UHRF2: variants seen among roughly 807,000 people sequenced by gnomAD.
The protein encoded by UHRF2 is ubiquitin like with PHD and ring finger domains 2, also known as E3 ubiquitin-protein ligase UHRF2.
A neutral mutation model predicts 96.8 loss-of-function variants in UHRF2; 23 were observed. The observed-to-expected ratio is 0.24, with a 90% CI of 0.17 to 0.34. The LOEUF (loss-of-function observed/expected upper bound fraction) is 0.34. Ranked by LOEUF, UHRF2 falls within the 10% of genes least tolerant of loss-of-function variation. The pLI is 1.00. For missense variants in UHRF2, 685 were observed against 981.5 expected, an observed-to-expected ratio of 0.70 and a Z score of 4.04; for synonymous variants, 385 against 332.6, an observed-to-expected ratio of 1.16 and a Z score of -1.72.
intron 1 of UHRF2, chr9:6,415,387 A>T (rs777986291): frequency 6.6e-6 from 1 of 152,230 alleles, no homozygotes; most frequent in African/African-American, 2.4e-5. Context: ...GGTGCCAGCC[A>T]TTAACTTGGA....
At chr9:6,488,540 CTTTT>C (rs58280407) in intron 9 of UHRF2, among the ~76,000 whole-genome samples, 3 of 83,822 alleles carry the variant, frequency 3.6e-5, no homozygotes, top group East Asian at 4.1e-4. Flanking sequence ...TTTTTCTTTT[CTTTT>C]TTTTTTTTTT....
At chr9:6,419,859 C>G (rs1260814450) in intron 1 of UHRF2, among the ~76,000 whole-genome samples, 1 of 152,070 alleles carries the variant, frequency 6.6e-6, no homozygotes, top group Non-Finnish European at 1.5e-5. Context: ...CCCACCTCAG[C>G]CTCCTGAGTA....
Position 6,499,887 on chromosome 9 carries a change from C to T in UHRF2, c.1961C>T (p.Ser654Leu). The T allele has an allele frequency of 6.2e-7, 1 of 1,611,982 alleles. No individual in the cohort carries two copies. The highest frequency in any genetic ancestry group is 8.5e-7 in the Non-Finnish European group (1 of 1,178,876). The change falls in exon 13 of 16, where the codon TCA becomes TTA. Residue 654 changes from serine (S) to leucine (L), a missense_variant. Ser to Leu is a moderately radical substitution (Grantham distance 145, BLOSUM62 -2). This residue lies in a region of UHRF2 where 99 missense variants were observed against 73.5 expected (regional missense o/e 1.35). Transcript: ENST00000276893. ...DKEGKKPKGQ[S>L]KKQPSGTTKR... ...GAAGGGAAGAAGCCTAAAGGACAGT[C>T]AAAGAAGCAGCCCAGTGGAACCACA...
chr9:6,436,830 A>G (rs1366200560), intron 3 of UHRF2, among the ~76,000 whole-genome samples: 1 of 152,222 alleles, frequency 6.6e-6, no homozygotes, highest in African/African-American at 2.4e-5. Flanking sequence ...ATGTGTGAAA[A>G]GACTAAAATT....
At chr9:6,437,897 C>A (rs1820944401) in intron 3 of UHRF2, among the ~76,000 whole-genome samples, 1 of 152,124 alleles carries the variant, frequency 6.6e-6, no homozygotes, top group African/African-American at 2.4e-5. Context: ...CAGGTGTGAG[C>A]CACCGCACCC....
chr9:6,462,788 G>A (rs1272576504), intron 4 of UHRF2, among the ~76,000 whole-genome samples: 1 of 152,030 alleles, frequency 6.6e-6, no homozygotes, highest in African/African-American at 2.4e-5. Flanking sequence ...GTAGTGGCAC[G>A]TGCCTGTAGT....
intron 9 of UHRF2, among the ~76,000 whole-genome samples, chr9:6,492,089 G>C (rs1824697439): frequency 6.6e-6 from 1 of 152,102 alleles, no homozygotes; most frequent in African/African-American, 2.4e-5. Context: ...AGTCTTGACA[G>C]TTTTTTCCCT....
intron 9 of UHRF2, among the ~76,000 whole-genome samples, chr9:6,487,166 C>CTTTTATTTTTTATTTTTTAT (rs1563799150): frequency 8.7e-4 from 95 of 108,960 alleles, no homozygotes; most frequent in African/African-American, 3.4e-3. Flanking sequence ...CTCTATAGAG[C>CTTTTATTTTTTATTTTTTAT]TTTTATTTTT....
At chr9:6,466,240 A>T (rs1358362688) in intron 4 of UHRF2, among the ~76,000 whole-genome samples, 1 of 152,142 alleles carries the variant, frequency 6.6e-6, no homozygotes, top group Non-Finnish European at 1.5e-5. Flanking sequence ...ATCTCTACTA[A>T]AAATATAAAA....
intron 3 of UHRF2, among the ~76,000 whole-genome samples, chr9:6,438,095 A>AT: frequency 6.6e-6 from 1 of 152,234 alleles, no homozygotes; most frequent in Non-Finnish European, 1.5e-5. Context: ...TAGCCAAAAA[A>AT]ACTAAATACT....
Position 6,481,666 on chromosome 9 carries a change from A to AT in UHRF2, c.1186dup (p.Ser396PhefsTer3), listed in dbSNP as rs751826136. ...AGGTATTGTCCTTCTTGTAAAACTG[A>AT]TTCCAGTGAAGTTGTAAAGGCTGGT... On this transcript the variant is annotated frameshift_variant, in exon 7 of 16. Coordinates refer to ENST00000276893, the MANE Select transcript of UHRF2 (RefSeq NM_152896.3). LOFTEE classifies it high-confidence loss of function. The AT allele has an allele frequency of 6.2e-7, 1 of 1,613,538 alleles. No homozygotes were observed. The highest frequency in any genetic ancestry group is 8.5e-7 in the Non-Finnish European group (1 of 1,179,722).
At chr9:6,431,298 T>C (rs539995199) in intron 2 of UHRF2, among the ~76,000 whole-genome samples, 95 of 152,318 alleles carry the variant, frequency 6.2e-4, no homozygotes, top group African/African-American at 2.0e-3. Flanking sequence ...GGGTACTTAC[T>C]ATATTTAGTA....
rs117824474 is a variant in UHRF2 at position 6,429,850 on chromosome 9, G to A, written c.385-4064G>A. ...GAAGAACTTGAACCTAGGTTTACCT[G>A]CAGAGCTGGAGTGTTTTCTGCAAAA... On this transcript the variant is annotated intron_variant, in intron 2 of 15. Transcript: ENST00000276893. Among the ~76,000 whole-genome samples the A allele has an allele frequency of 8.4e-4, 128 of 152,296 alleles. 1 individual carries two copies. The highest frequency in any genetic ancestry group is 3.3e-3 in the East Asian group (17 of 5,188).
chr9:6,490,491 G>C (rs113626350), intron 9 of UHRF2, among the ~76,000 whole-genome samples: 1 of 152,260 alleles, frequency 6.6e-6, no homozygotes, highest in East Asian at 1.9e-4. Flanking sequence ...ACCCAGGCGT[G>C]GTGATGCATG....
chr9:6,479,923 C>G (rs931226251), intron 6 of UHRF2, among the ~76,000 whole-genome samples: 1 of 152,160 alleles, frequency 6.6e-6, no homozygotes, highest in East Asian at 1.9e-4. Flanking sequence ...CTCTTTGCTT[C>G]CATGTACTAT....
At chr9:6,470,969 G>T (rs1823209400) in intron 4 of UHRF2, among the ~76,000 whole-genome samples, 1 of 152,014 alleles carries the variant, frequency 6.6e-6, no homozygotes, top group African/African-American at 2.4e-5. Context: ...TCAAGACAAT[G>T]ATCAACAAAC....
At chr9:6,459,418 C>A (rs1442377827) in intron 3 of UHRF2, among the ~76,000 whole-genome samples, 1 of 152,202 alleles carries the variant, frequency 6.6e-6, no homozygotes, top group African/African-American at 2.4e-5. Context: ...CCTGTAATCC[C>A]AGCACTTTGT....
intron 11 of UHRF2, 141 bp from the exon 12 acceptor site, chr9:6,497,877 T>A: frequency 1.9e-6 from 2 of 1,036,528 alleles, no homozygotes; most frequent in Non-Finnish European, 2.8e-6. Flanking sequence ...TTAGTGAATA[T>A]TCTTGACTTA....
intron 2 of UHRF2, among the ~76,000 whole-genome samples, chr9:6,426,792 C>T (rs1162677927): frequency 6.6e-6 from 1 of 152,024 alleles, no homozygotes; most frequent in Non-Finnish European, 1.5e-5. Context: ...CTTTGTTGCC[C>T]AGGCTGGAGT....
Sources: allele counts gnomAD v4.1 joint callset (sites outside exome capture counted in the v4.1 genomes callset), GRCh38; gene constraint gnomAD v4.1.1; regional missense constraint gnomAD v4.1.1; transcripts MANE v1.5; gene names NCBI Gene and HGNC (gene_info 2026-07-23, HGNC 2026-07-21).